PDE3A: variants seen among roughly 807,000 people sequenced by gnomAD.
PDE3A encodes the protein phosphodiesterase 3A.
PDE3A carries 43 observed loss-of-function variants against 98.3 expected under a neutral mutation model. The observed-to-expected ratio is 0.44, with a 90% CI of 0.34 to 0.56. PDE3A has a LOEUF of 0.56. Among genes scored for constraint, PDE3A ranks in the 20% least tolerant of loss-of-function variants. The probability of loss-of-function intolerance (pLI) is 0.01; values close to 1 mark genes in which losing one functional copy is unlikely to be tolerated. For synonymous variants in PDE3A, 663 were observed against 567.9 expected (o/e 1.17, Z -2.38); for missense variants, 1,427 against 1,440.7 (o/e 0.99, Z 0.15).
rs560659339 is a variant in PDE3A, at chr12:20,654,641, T to A, written c.3184+436T>A. On this transcript the variant is annotated intron_variant, in intron 15 of 15. Transcript: ENST00000359062. ...CCTCCTGAGTAGCTGGGACTACAGGTGCGCAACACTACACCCGGCTTTTTT... is the reference window on the plus strand; with the variant it reads ...CCTCCTGAGTAGCTGGGACTACAGGAGCGCAACACTACACCCGGCTTTTTT... Among the ~76,000 whole-genome samples the A allele has an allele frequency of 2.1e-5, 3 of 146,288 alleles. No individual in the cohort carries two copies. In the East Asian group the frequency reaches 6.2e-4, roughly 30 times the overall value.
intron 2 of PDE3A, among the ~76,000 whole-genome samples, chr12:20,610,093 A>G (rs57915771): frequency 0.016 from 2,136 of 134,652 alleles, 41 homozygotes; most frequent in African/African-American, 0.056. Flanking sequence ...GGAAACAATC[A>G]ACAAAATGAA....
At chr12:20,456,599 C>A (rs2120908124) in intron 1 of PDE3A, among the ~76,000 whole-genome samples, 1 of 152,190 alleles carries the variant, frequency 6.6e-6, no homozygotes, top group Middle Eastern at 3.4e-3. Flanking sequence ...CTGTACAATA[C>A]TCTAGCTATA....
intron 1 of PDE3A, among the ~76,000 whole-genome samples, chr12:20,405,464 C>T (rs1034517826): frequency 6.6e-6 from 1 of 152,104 alleles, no homozygotes; most frequent in Non-Finnish European, 1.5e-5. Flanking sequence ...ATCTATACAG[C>T]TTCATTCTCA....
At chr12:20,436,857 C>T (rs1296254434) in intron 1 of PDE3A, among the ~76,000 whole-genome samples, 1 of 152,124 alleles carries the variant, frequency 6.6e-6, no homozygotes, top group African/African-American at 2.4e-5. Flanking sequence ...GCGAATTAGC[C>T]CTCACTTCCA....
intron 1 of PDE3A, among the ~76,000 whole-genome samples, chr12:20,386,101 AT>A (rs1394345558): frequency 1.9e-4 from 3 of 15,838 alleles, no homozygotes; most frequent in Admixed American, 1.7e-3. Context: ...ATATATATAA[AT>A]ATATATATAA....
At chr12:20,418,400 C>T (rs1944457360) in intron 1 of PDE3A, among the ~76,000 whole-genome samples, 1 of 152,074 alleles carries the variant, frequency 6.6e-6, no homozygotes, top group Admixed American at 6.6e-5. Context: ...CAGTTTGTGG[C>T]CTGACTGAAT....
In PDE3A at chr12:20,629,969, T is replaced by C. The variant is rs201273674; in HGVS notation, c.1602T>C (p.Pro534=). Residue 534 remains proline, a synonymous_variant, in exon 6 of 16, where the codon CCT becomes CCC. Transcript: ENST00000359062. The stretch of plus-strand genomic sequence containing the variant: ...GCTCCTCACCTCTCCAAGGGACTCC[T>C]GCCAGCAGCCTGGTCAGCAAAATTT... ...SPCSSPLQGT[P]ASSLVSKISA... The C allele has an allele frequency of 1.2e-6, 2 of 1,614,102 alleles. No homozygotes were observed. Among genetic ancestry groups the C allele is most frequent in the Non-Finnish European group, 1.7e-6 (2 of 1,179,976 alleles).
At chr12:20,493,712 C>G (rs1235715188) in intron 1 of PDE3A, among the ~76,000 whole-genome samples, 2 of 152,144 alleles carry the variant, frequency 1.3e-5, no homozygotes, top group Non-Finnish European at 2.9e-5. Context: ...CTCACCGCAG[C>G]CTCCGACTCC....
At chr12:20,412,474 C>T (rs576055357) in intron 1 of PDE3A, among the ~76,000 whole-genome samples, 1 of 152,188 alleles carries the variant, frequency 6.6e-6, no homozygotes, top group South Asian at 2.1e-4. Flanking sequence ...TTTTGTCTAG[C>T]ATTATCCCAA....
chr12:20,514,814 G>C (rs1471561948), intron 1 of PDE3A, among the ~76,000 whole-genome samples: 2 of 152,134 alleles, frequency 1.3e-5, no homozygotes, highest in Non-Finnish European at 2.9e-5. Flanking sequence ...GTGTGACTTT[G>C]GCATGTGACC....
intron 1 of PDE3A, among the ~76,000 whole-genome samples, chr12:20,524,465 G>A (rs980936291): frequency 2.0e-5 from 3 of 152,058 alleles, no homozygotes; most frequent in South Asian, 2.1e-4. Context: ...ACTAAAAGAT[G>A]ATGAAGTTTA....
intron 1 of PDE3A, among the ~76,000 whole-genome samples, chr12:20,479,083 G>A (rs1945579291): frequency 6.6e-6 from 1 of 152,106 alleles, no homozygotes; most frequent in Non-Finnish European, 1.5e-5. Flanking sequence ...AGTTAGTTTG[G>A]AATTCATTTT....
rs1484582302 is a variant in PDE3A at position 20,368,724 on chromosome 12, GAGAA to G, written c.-553_-550del. On this transcript the variant is annotated 5_prime_UTR_variant, in exon 1 of 16. An upstream open reading frame in the 5' UTR loses its in-frame stop. Transcript: ENST00000359062. The stretch of plus-strand genomic sequence containing the variant: ...GCCGTGCCGGGGAGAATCGGCCGAG[GAGAA>G]AGAAAGAGTGATAGAAAAAGAGCTG... Among the ~76,000 whole-genome samples, 1 of 151,984 alleles carries G rather than the reference GAGAA, an allele frequency of 6.6e-6. No individual in the cohort carries two copies. Among genetic ancestry groups the G allele is most frequent in the African/African-American group, 2.4e-5 (1 of 41,406 alleles).
chr12:20,508,380 C>T (rs1024165473), intron 1 of PDE3A, among the ~76,000 whole-genome samples: 1 of 151,328 alleles, frequency 6.6e-6, no homozygotes, highest in Non-Finnish European at 1.5e-5. Context: ...TAATTTTTTT[C>T]ACTTGAATTT....
chr12:20,563,245 T>G (rs970044424), intron 2 of PDE3A, among the ~76,000 whole-genome samples: 2 of 152,212 alleles, frequency 1.3e-5, no homozygotes, highest in African/African-American at 4.8e-5. Context: ...ACAGGTCACT[T>G]CTTTTCTAGG....
At chr12:20,549,261 G>A (rs1001402857) in intron 1 of PDE3A, among the ~76,000 whole-genome samples, 2 of 150,026 alleles carry the variant, frequency 1.3e-5, no homozygotes, top group African/African-American at 2.5e-5. Flanking sequence ...GCTGTCATGC[G>A]CTAATATGAA....
At chr12:20,536,066 C>T (rs1171444070) in intron 1 of PDE3A, among the ~76,000 whole-genome samples, 1 of 152,096 alleles carries the variant, frequency 6.6e-6, no homozygotes, top group Non-Finnish European at 1.5e-5. Context: ...TCAGACTCTG[C>T]AGGTGGAACT....
At chr12:20,463,361 T>A (rs1945285848) in intron 1 of PDE3A, among the ~76,000 whole-genome samples, 1 of 152,176 alleles carries the variant, frequency 6.6e-6, no homozygotes, top group Non-Finnish European at 1.5e-5. Context: ...AAAATAATTA[T>A]CTTTTCCTTT....
At chr12:20,665,930 A>G (rs6487128) in intron 15 of PDE3A, among the ~76,000 whole-genome samples, 90,950 of 148,500 alleles carry the variant, frequency 0.61, 28,146 homozygotes, top group East Asian at 0.79. Context: ...GATATTTAGA[A>G]TATCTGTCAC....
Sources: gnomAD v4.1 joint callset for allele counts (sites outside exome capture counted in the v4.1 genomes callset) on GRCh38, gnomAD v4.1.1 for gene constraint, MANE v1.5 for transcripts, NCBI Gene and HGNC (gene_info 2026-07-23, HGNC 2026-07-21) for gene names.